The following RHPN2 variants were observed in gnomAD, a reference collection of about 807,000 sequenced individuals.
RHPN2 encodes rhophilin Rho GTPase binding protein 2, also known as rhophilin-2.
Under a neutral mutation model 79.0 loss-of-function variants are expected in RHPN2, and 40 were observed. The ratio of observed to expected loss-of-function variants is 0.51; its 90% CI spans 0.39 to 0.66. The LOEUF (loss-of-function observed/expected upper bound fraction) is 0.66. RHPN2 is among the 30% of genes least tolerant of loss of function. RHPN2 has a pLI of 0.00. For missense variants in RHPN2, 686 were observed against 883.5 expected (o/e 0.78, Z 2.83); for synonymous variants, 285 against 363.5 (o/e 0.78, Z 2.46).
At chr19:33,029,284 T>C (rs1039097259) in intron 2 of RHPN2, among the ~76,000 whole-genome samples, 4 of 151,894 alleles carry the variant, frequency 2.6e-5, no homozygotes, top group Admixed American at 2.6e-4. Context: ...CCCAGCACTT[T>C]GGGAGGCCGA....
intron 1 of RHPN2, chr19:33,051,678 T>A: frequency 4.9e-6 from 1 of 203,176 alleles, no homozygotes; most frequent in Non-Finnish European, 1.1e-5. Context: ...TACAGTGACA[T>A]TTCTGCCACT....
At chr19:32,981,224 T>G (rs1200339507) in intron 14 of RHPN2, among the ~76,000 whole-genome samples, 2 of 151,892 alleles carry the variant, frequency 1.3e-5, no homozygotes, top group African/African-American at 4.8e-5. Flanking sequence ...GAGAAAGTAA[T>G]AATACTCATG....
In RHPN2 at chr19:33,002,415, G is replaced by A. The variant is rs570007129; in HGVS notation, c.949-12C>T. ...TAGACCTCTCCCACCTGAAATAGAA[G>A]GGACACTGGGAAGGGGCAGCCCGGC... On this transcript the variant is annotated splice_polypyrimidine_tract_variant and intron_variant, in intron 8 of 14. Coordinates refer to ENST00000254260, the MANE Select transcript of RHPN2 (RefSeq NM_033103.5). 2 of 1,613,828 alleles carry A rather than the reference G, an allele frequency of 1.2e-6. No individual in the cohort carries two copies. Among genetic ancestry groups the A allele is most frequent in the African/African-American group, 1.3e-5 (1 of 75,026 alleles).
At position 32,993,197 on chromosome 19, in the gene RHPN2, G is replaced by A. The variant is rs562812625; in HGVS notation, c.1497+780C>T. Among the ~76,000 whole-genome samples, 127 of 150,118 alleles carry A rather than the reference G, an allele frequency of 8.5e-4. 1 individual carries two copies. Among genetic ancestry groups the A allele is most frequent in the Admixed American group, 7.0e-3 (106 of 15,088 alleles). ...TACCTTTAAAATATGCTATGGGGCC[G>A]GGCACAGTGGCTCAGGCCTGTAATC... On this transcript the variant is annotated intron_variant, in intron 12 of 14. Coordinates refer to ENST00000254260, the MANE Select transcript of RHPN2 (RefSeq NM_033103.5).
At chr19:33,017,668 C>G (rs1971888690) in intron 4 of RHPN2, among the ~76,000 whole-genome samples, 1 of 146,984 alleles carries the variant, frequency 6.8e-6, no homozygotes, top group African/African-American at 2.5e-5. Flanking sequence ...AGTTCAAGAC[C>G]AGCCTGGGCA....
At chr19:33,047,845 G>T (rs1972154242) in intron 1 of RHPN2, among the ~76,000 whole-genome samples, 1 of 152,146 alleles carries the variant, frequency 6.6e-6, no homozygotes. Flanking sequence ...CCAGGAGTTT[G>T]AGGCTGCGGT....
intron 4 of RHPN2, among the ~76,000 whole-genome samples, chr19:33,016,712 C>T (rs1435161059): frequency 1.3e-5 from 2 of 152,066 alleles, no homozygotes; most frequent in Non-Finnish European, 2.9e-5. Flanking sequence ...TAAAATAAAA[C>T]AAAATCACAC....
chr19:33,036,375 A>G (rs1972055910), intron 2 of RHPN2, among the ~76,000 whole-genome samples: 1 of 152,040 alleles, frequency 6.6e-6, no homozygotes, highest in Non-Finnish European at 1.5e-5. Flanking sequence ...GAATGGTGGT[A>G]TACGTGTATA....
chr19:33,016,288 T>A (rs1971877006), intron 4 of RHPN2, among the ~76,000 whole-genome samples: 1 of 152,076 alleles, frequency 6.6e-6, no homozygotes, highest in Non-Finnish European at 1.5e-5. Flanking sequence ...CATAGCTGAC[T>A]GCAGCCTCGA....
intron 14 of RHPN2, among the ~76,000 whole-genome samples, chr19:32,983,055 T>TACACACAC (rs57230466): frequency 0.048 from 4,898 of 102,440 alleles, 281 homozygotes; most frequent in East Asian, 0.19. Context: ...CCCAGATCTC[T>TACACACAC]ACACACACAC....
intron 4 of RHPN2, among the ~76,000 whole-genome samples, chr19:33,015,241 G>A (rs562923802): frequency 2.9e-4 from 44 of 151,574 alleles, no homozygotes; most frequent in Middle Eastern, 3.4e-3. Context: ...CCTGGCCAGC[G>A]TGGTGAAACC....
chr19:33,012,040 T>A (rs1445594318), intron 5 of RHPN2, among the ~76,000 whole-genome samples: 2 of 81,270 alleles, frequency 2.5e-5, no homozygotes, highest in East Asian at 9.7e-4. Flanking sequence ...TTTTCCTTCT[T>A]TTTTTTTTTT....
intron 10 of RHPN2, among the ~76,000 whole-genome samples, chr19:32,997,880 G>A (rs775361602): frequency 4.6e-5 from 7 of 152,224 alleles, no homozygotes; most frequent in African/African-American, 9.6e-5. Context: ...GCAGGGGCAC[G>A]TGCAGGTTTT....
intron 3 of RHPN2, among the ~76,000 whole-genome samples, chr19:33,025,984 T>TTTG (rs1971962919): frequency 6.7e-6 from 1 of 149,792 alleles, no homozygotes; most frequent in African/African-American, 2.5e-5. Flanking sequence ...TTCATTTGTT[T>TTTG]TTTTTTTTTT....
intron 4 of RHPN2, among the ~76,000 whole-genome samples, chr19:33,014,950 C>T (rs563853562): frequency 6.6e-6 from 1 of 151,692 alleles, no homozygotes; most frequent in South Asian, 2.1e-4. Context: ...ATTAGCCAGG[C>T]GTGCTGAGGC....
intron 14 of RHPN2, among the ~76,000 whole-genome samples, chr19:32,987,297 G>A (rs1344645845): frequency 1.3e-5 from 2 of 151,982 alleles, no homozygotes; most frequent in Non-Finnish European, 1.5e-5. Flanking sequence ...AGTCCCTCCC[G>A]ACTCCCATTG....
chr19:33,013,766 T>C (rs34862163), intron 4 of RHPN2, among the ~76,000 whole-genome samples: 64,827 of 151,944 alleles, frequency 0.43, 15,114 homozygotes, highest in East Asian at 0.65. Flanking sequence ...CCAGCACAGA[T>C]CCTGAGGGTA....
chr19:32,989,774 A>G (rs1235999167), intron 14 of RHPN2, among the ~76,000 whole-genome samples: 1 of 152,150 alleles, frequency 6.6e-6, no homozygotes, highest in East Asian at 1.9e-4. Context: ...GTTCAAGACC[A>G]GCCTTGGCAA....
Position 33,022,480 on chromosome 19 carries a change from G to T in RHPN2, c.315-834C>A, listed in dbSNP as rs555820223. ...GGGCCTCTTCTTTGGGAAGTGTCTA[G>T]GCGTCCCACCACCGGCACAGGAGAT... On this transcript the variant is annotated intron_variant, in intron 3 of 14. Coordinates refer to ENST00000254260, the MANE Select transcript of RHPN2 (RefSeq NM_033103.5). Among the ~76,000 whole-genome samples the T allele has an allele frequency of 1.4e-4, 21 of 152,098 alleles. No individual in the cohort carries two copies. In the South Asian group the frequency reaches 2.9e-3, roughly 21 times the overall value.
Sources: allele counts gnomAD v4.1 joint callset (sites outside exome capture counted in the v4.1 genomes callset), GRCh38; gene constraint gnomAD v4.1.1; transcripts MANE v1.5; gene names NCBI Gene and HGNC (gene_info 2026-07-23, HGNC 2026-07-21).